The following L3MBTL4 variants were observed in gnomAD, a reference collection of about 807,000 sequenced individuals.
The protein encoded by L3MBTL4 is L3MBTL histone methyl-lysine binding protein 4, also known as lethal(3)malignant brain tumor-like protein 4.
A neutral mutation model predicts 84.5 loss-of-function variants in L3MBTL4; 70 were observed. The observed-to-expected ratio is 0.83, with a 90% CI of 0.68 to 1.01. The LOEUF (loss-of-function observed/expected upper bound fraction) is 1.01. Ranked by LOEUF, L3MBTL4 falls within the 50% of genes least tolerant of loss-of-function variation. The pLI is 0.00. For missense variants in L3MBTL4, 715 were observed against 754.8 expected (o/e 0.95, Z 0.62); for synonymous variants, 274 against 259.8 (o/e 1.05, Z -0.52).
chr18:6,154,875 C>T lies in L3MBTL4; in HGVS notation c.1097-16579G>A, dbSNP rs376567297. Among the ~76,000 whole-genome samples, 71 of 152,246 alleles carry T rather than the reference C, an allele frequency of 4.7e-4. No homozygotes were observed. The South Asian group carries it at 0.014, about 31-fold the overall frequency. ...ATGAGAGGGATTACATAAAAGATTCCTCTCCTTTTCTAATGACCTCCATTA... is the reference window on the plus strand; with the variant it reads ...ATGAGAGGGATTACATAAAAGATTCTTCTCCTTTTCTAATGACCTCCATTA... On this transcript the variant is annotated intron_variant, in intron 13 of 18. Coordinates refer to ENST00000317931, the MANE Select transcript of L3MBTL4 (RefSeq NM_001330559.2).
In L3MBTL4 at chr18:6,028,652, T is replaced by TGAAAATGC. The variant is rs2055628669; in HGVS notation, c.1444+52228_1444+52229insGCATTTTC. ...AGTATGGCCATTTTCATGATATTGA[T>TGAAAATGC]TCTTCCTATCCATAAGCATGGAATG... is the stretch of plus-strand genomic sequence containing the variant. On this transcript the variant is annotated intron_variant, in intron 16 of 18. Transcript: ENST00000317931. Among the ~76,000 whole-genome samples the TGAAAATGC allele has an allele frequency of 4.6e-5, 7 of 152,348 alleles. No homozygotes were observed. The South Asian group carries it at 1.2e-3, about 27-fold the overall frequency.
At chr18:6,054,435 T>C (rs534544265) in intron 16 of L3MBTL4, among the ~76,000 whole-genome samples, 1 of 152,250 alleles carries the variant, frequency 6.6e-6, no homozygotes, top group East Asian at 1.9e-4. Flanking sequence ...GAATATCAAA[T>C]CAGATACTCC....
At chr18:5,958,472 T>C (rs1483999638) in intron 18 of L3MBTL4, among the ~76,000 whole-genome samples, 1 of 152,206 alleles carries the variant, frequency 6.6e-6, no homozygotes, top group Non-Finnish European at 1.5e-5. Flanking sequence ...TACCCCATTG[T>C]CCTAAGAATA....
chr18:6,305,886 A>C (rs982971193), intron 3 of L3MBTL4, among the ~76,000 whole-genome samples: 2 of 152,180 alleles, frequency 1.3e-5, no homozygotes. Flanking sequence ...AATCAAGGGA[A>C]CAAAACAGGA....
chr18:6,297,733 C>T (rs2050165337), intron 4 of L3MBTL4, among the ~76,000 whole-genome samples: 1 of 152,150 alleles, frequency 6.6e-6, no homozygotes, highest in African/African-American at 2.4e-5. Context: ...TATCTAACAA[C>T]TTAGAGATGA....
intron 10 of L3MBTL4, among the ~76,000 whole-genome samples, chr18:6,232,955 A>G (rs1418741237): frequency 6.6e-6 from 1 of 152,192 alleles, no homozygotes; most frequent in Non-Finnish European, 1.5e-5. Flanking sequence ...GCAGCACATC[A>G]AAAAGCTAAT....
chr18:6,168,000 G>A (rs1374648021), intron 13 of L3MBTL4, among the ~76,000 whole-genome samples: 1 of 151,984 alleles, frequency 6.6e-6, no homozygotes, highest in Non-Finnish European at 1.5e-5. Flanking sequence ...AAATCAATGT[G>A]CAAAAATCAC....
chr18:6,162,217 C>G (rs1054160457), intron 13 of L3MBTL4, among the ~76,000 whole-genome samples: 7 of 151,928 alleles, frequency 4.6e-5, no homozygotes, highest in African/African-American at 1.5e-4. Flanking sequence ...AATAAAATAA[C>G]ATTCAAGTCA....
intron 13 of L3MBTL4, among the ~76,000 whole-genome samples, chr18:6,167,622 C>T (rs2145136105): frequency 6.6e-6 from 1 of 152,128 alleles, no homozygotes. Context: ...TGACAAAATT[C>T]AACAACCCTT....
At chr18:6,054,408 G>A (rs2056941965) in intron 16 of L3MBTL4, among the ~76,000 whole-genome samples, 1 of 152,090 alleles carries the variant, frequency 6.6e-6, no homozygotes, top group South Asian at 2.1e-4. Context: ...CTGTACCTTA[G>A]TTTCCTCTCT....
chr18:6,160,634 G>C (rs1377839266), intron 13 of L3MBTL4, among the ~76,000 whole-genome samples: 1 of 150,670 alleles, frequency 6.6e-6, no homozygotes, highest in Non-Finnish European at 1.5e-5. Context: ...AAGAGTATGA[G>C]ACAGGAGAAT....
intron 16 of L3MBTL4, among the ~76,000 whole-genome samples, chr18:6,065,885 T>C (rs1054456457): frequency 2.0e-5 from 3 of 152,060 alleles, no homozygotes; most frequent in African/African-American, 7.2e-5. Flanking sequence ...AATATTTCTT[T>C]TCTTCTCTTG....
intron 1 of L3MBTL4, among the ~76,000 whole-genome samples, chr18:6,371,669 C>T (rs1393843160): frequency 6.6e-6 from 1 of 152,160 alleles, no homozygotes; most frequent in Non-Finnish European, 1.5e-5. Flanking sequence ...TTGGTAATAA[C>T]AAATAATGCT....
chr18:6,343,649 G>A (rs1304564722), intron 1 of L3MBTL4, among the ~76,000 whole-genome samples: 8 of 133,716 alleles, frequency 6.0e-5, no homozygotes, highest in South Asian at 4.7e-4. Context: ...GCAACAGAGC[G>A]AGACACCATA....
intron 12 of L3MBTL4, among the ~76,000 whole-genome samples, chr18:6,181,019 G>C (rs1009371214): frequency 6.6e-6 from 1 of 152,136 alleles, no homozygotes; most frequent in Non-Finnish European, 1.5e-5. Flanking sequence ...GGCACAAAAG[G>C]ACAAATATCT....
chr18:6,058,014 C>A (rs189945226), intron 16 of L3MBTL4, among the ~76,000 whole-genome samples: 3 of 152,228 alleles, frequency 2.0e-5, no homozygotes, highest in Non-Finnish European at 4.4e-5. Context: ...ATCAACATGA[C>A]TTAACTCAAG....
At chr18:6,133,367 C>A (rs996548937) in intron 14 of L3MBTL4, among the ~76,000 whole-genome samples, 3 of 150,154 alleles carry the variant, frequency 2.0e-5, no homozygotes, top group Non-Finnish European at 4.4e-5. Flanking sequence ...ACTCCCCCCA[C>A]ACACAAACAG....
At chr18:6,401,847 G>A (rs1362177841) in intron 1 of L3MBTL4, among the ~76,000 whole-genome samples, 1 of 152,252 alleles carries the variant, frequency 6.6e-6, no homozygotes. Flanking sequence ...CAAGGGTGCA[G>A]TAGGGCAAGG....
chr18:6,253,059 G>A (rs891306769), intron 5 of L3MBTL4, among the ~76,000 whole-genome samples: 4 of 152,114 alleles, frequency 2.6e-5, no homozygotes, highest in Non-Finnish European at 2.9e-5. Context: ...AAAATTAGCT[G>A]GGTGTGGAGG....
Sources: gnomAD v4.1 joint callset for allele counts (sites outside exome capture counted in the v4.1 genomes callset) on GRCh38, gnomAD v4.1.1 for gene constraint, MANE v1.5 for transcripts, NCBI Gene and HGNC (gene_info 2026-07-23, HGNC 2026-07-21) for gene names.